The following NRG3 variants were observed in gnomAD, a reference collection of about 807,000 sequenced individuals.
NRG3 encodes the protein neuregulin 3.
In NRG3, 31 loss-of-function variants were observed where a neutral mutation model predicts 66.9. The ratio of observed to expected loss-of-function variants is 0.46; its 90% CI spans 0.35 to 0.63. The LOEUF (loss-of-function observed/expected upper bound fraction) is 0.63. Among genes scored for constraint, NRG3 ranks in the 20% least tolerant of loss-of-function variants. The probability of loss-of-function intolerance (pLI) is 0.00; values close to 1 mark genes in which losing one functional copy is unlikely to be tolerated. For missense variants in NRG3, 910 were observed against 878.9 expected, an observed-to-expected ratio of 1.04 and a Z score of -0.45; for synonymous variants, 393 against 359.4, an observed-to-expected ratio of 1.09 and a Z score of -1.06.
intron 6 of NRG3, among the ~76,000 whole-genome samples, chr10:82,968,170 G>A (rs192114743): frequency 6.6e-6 from 1 of 152,266 alleles, no homozygotes; most frequent in African/African-American, 2.4e-5. Flanking sequence ...TGTCAAAACT[G>A]AAACCACAGA....
At chr10:82,447,950 A>G (rs898681937) in intron 2 of NRG3, among the ~76,000 whole-genome samples, 6 of 152,244 alleles carry the variant, frequency 3.9e-5, no homozygotes, top group African/African-American at 1.4e-4. Flanking sequence ...CACTAGATAC[A>G]GTTCCGTTAC....
intron 4 of NRG3, among the ~76,000 whole-genome samples, chr10:82,871,615 T>G (rs1223442355): frequency 2.6e-5 from 4 of 152,162 alleles, no homozygotes; most frequent in Non-Finnish European, 5.9e-5. Flanking sequence ...TTTTATCATT[T>G]TATTTGTATA....
chr10:82,297,830 CAA>C (rs1470420494), intron 1 of NRG3, among the ~76,000 whole-genome samples: 1 of 151,860 alleles, frequency 6.6e-6, no homozygotes, highest in Non-Finnish European at 1.5e-5. Flanking sequence ...CATAGAATGA[CAA>C]TATTATTTTG....
chr10:82,221,728 C>T (rs1443789212), intron 1 of NRG3, among the ~76,000 whole-genome samples: 2 of 152,022 alleles, frequency 1.3e-5, no homozygotes, highest in African/African-American at 4.8e-5. Flanking sequence ...TTAACCAAAC[C>T]ACAGGCTCTG....
chr10:82,410,264 GATCTT>G (rs759334295), intron 2 of NRG3, among the ~76,000 whole-genome samples: 5 of 152,106 alleles, frequency 3.3e-5, no homozygotes, highest in East Asian at 1.9e-4. Context: ...GGCCGAGGTG[GATCTT>G]ATCTTATGTA....
At chr10:82,810,344 C>G (rs2061440574) in intron 3 of NRG3, among the ~76,000 whole-genome samples, 1 of 152,070 alleles carries the variant, frequency 6.6e-6, no homozygotes, top group South Asian at 2.1e-4. Context: ...AGCAGTGGAT[C>G]TCCAATGCTG....
At chr10:82,165,575 T>C (rs960828015) in intron 1 of NRG3, among the ~76,000 whole-genome samples, 44 of 152,046 alleles carry the variant, frequency 2.9e-4, no homozygotes, top group African/African-American at 1.0e-3. Flanking sequence ...AGGTGATCAT[T>C]TTTTTCCTCA....
At chr10:82,876,762 G>A (rs1219897186) in intron 4 of NRG3, among the ~76,000 whole-genome samples, 1 of 152,226 alleles carries the variant, frequency 6.6e-6, no homozygotes, top group African/African-American at 2.4e-5. Flanking sequence ...GGTGGCTCAC[G>A]CCTGTAGTCC....
chr10:82,192,538 A>G (rs192404110), intron 1 of NRG3, among the ~76,000 whole-genome samples: 1 of 152,310 alleles, frequency 6.6e-6, no homozygotes, highest in East Asian at 1.9e-4. Context: ...TGACCTGTGG[A>G]CACATTTGGT....
intron 2 of NRG3, among the ~76,000 whole-genome samples, chr10:82,622,024 A>G (rs2049072194): frequency 6.6e-6 from 1 of 152,192 alleles, no homozygotes; most frequent in Non-Finnish European, 1.5e-5. Flanking sequence ...CATCTGGGTC[A>G]GGGAATGGCC....
intron 2 of NRG3, among the ~76,000 whole-genome samples, chr10:82,711,845 C>A (rs2056687831): frequency 6.6e-6 from 1 of 152,118 alleles, no homozygotes; most frequent in Admixed American, 6.6e-5. Context: ...TATTTACTTT[C>A]ACAGCACTCT....
At chr10:82,379,658 G>T (rs1013193339) in intron 2 of NRG3, among the ~76,000 whole-genome samples, 4 of 152,054 alleles carry the variant, frequency 2.6e-5, no homozygotes, top group Non-Finnish European at 5.9e-5. Flanking sequence ...ATTTGGGGAA[G>T]AAGGACTCTG....
At chr10:82,697,579 A>G (rs1006188716) in intron 2 of NRG3, among the ~76,000 whole-genome samples, 6 of 152,206 alleles carry the variant, frequency 3.9e-5, no homozygotes, top group Non-Finnish European at 7.3e-5. Flanking sequence ...ATTGTCTAAA[A>G]TATTCAGAGT....
At chr10:82,818,449 TGGTTTTCTTATTTTAGAAAAAAGAAA>T (rs933050346) in intron 3 of NRG3, among the ~76,000 whole-genome samples, 2 of 152,092 alleles carry the variant, frequency 1.3e-5, no homozygotes, top group African/African-American at 2.4e-5. Context: ...CAGGAGGAGA[TGGTTTTCTTATTTTAGAAAAAAGAAA>T]GGTTTTCTTC....
At chr10:82,182,075 A>AT (rs200080280) in intron 1 of NRG3, among the ~76,000 whole-genome samples, 4,904 of 146,920 alleles carry the variant, frequency 0.033, 105 homozygotes, top group African/African-American at 0.069. Flanking sequence ...ATCCTGCTCT[A>AT]TTTTTTTTTC....
intron 1 of NRG3, among the ~76,000 whole-genome samples, chr10:81,985,919 C>T (rs571594465): frequency 6.6e-6 from 1 of 152,322 alleles, no homozygotes; most frequent in South Asian, 2.1e-4. Flanking sequence ...AGTCATTTCA[C>T]ACTTTGCAAA....
intron 2 of NRG3, among the ~76,000 whole-genome samples, chr10:82,504,183 C>T (rs1844460805): frequency 1.3e-5 from 2 of 152,138 alleles, no homozygotes; most frequent in Non-Finnish European, 2.9e-5. Flanking sequence ...ACTCTGTGCC[C>T]TTCATGAATG....
chr10:82,661,676 C>G (rs1405960840), intron 2 of NRG3, among the ~76,000 whole-genome samples: 1 of 152,126 alleles, frequency 6.6e-6, no homozygotes, highest in African/African-American at 2.4e-5. Flanking sequence ...GATGATAAGT[C>G]TGTAGCCAGA....
chr10:82,120,449 T>G (rs2068013096), intron 1 of NRG3, among the ~76,000 whole-genome samples: 1 of 152,174 alleles, frequency 6.6e-6, no homozygotes, highest in African/African-American at 2.4e-5. Flanking sequence ...CAGAGATAGC[T>G]GACTAATGAG....
Sources: gnomAD v4.1 joint callset for allele counts (sites outside exome capture counted in the v4.1 genomes callset) on GRCh38, gnomAD v4.1.1 for gene constraint, MANE v1.5 for transcripts, NCBI Gene and HGNC (gene_info 2026-07-23, HGNC 2026-07-21) for gene names.